The following RALYL variants were observed in gnomAD, a reference collection of about 807,000 sequenced individuals.
RALYL encodes the protein RNA-binding Raly-like protein.
A neutral mutation model predicts 35.1 loss-of-function variants in RALYL; 29 were observed. That is an observed-to-expected ratio of 0.83 (90% CI 0.61 to 1.13). The LOEUF is 1.13. RALYL is among the 50% of genes most tolerant of loss of function. The pLI, the probability that RALYL is intolerant of heterozygous loss-of-function variation, is 0.00. For synonymous variants in RALYL, 120 were observed against 127.6 expected, an observed-to-expected ratio of 0.94 and a Z score of 0.40; for missense variants, 359 against 360.4, an observed-to-expected ratio of 1.00 and a Z score of 0.03.
At chr8:84,882,151 G>A (rs1842266553) in intron 7 of RALYL, among the ~76,000 whole-genome samples, 1 of 151,890 alleles carries the variant, frequency 6.6e-6, no homozygotes, top group East Asian at 1.9e-4. Flanking sequence ...TCTTAGAGGT[G>A]TCTTTTTACA....
chr8:84,219,789 T>C (rs1019080543), intron 1 of RALYL, among the ~76,000 whole-genome samples: 3 of 151,904 alleles, frequency 2.0e-5, no homozygotes, highest in African/African-American at 7.3e-5. Context: ...ACCTATAAGG[T>C]AAGGAAATGA....
At chr8:84,463,696 T>C (rs2051104453) in intron 1 of RALYL, among the ~76,000 whole-genome samples, 1 of 152,106 alleles carries the variant, frequency 6.6e-6, no homozygotes, top group Non-Finnish European at 1.5e-5. Flanking sequence ...TTTTCTACTT[T>C]CTAATGTGTT....
At chr8:84,564,556 C>A (rs558359190) in intron 2 of RALYL, among the ~76,000 whole-genome samples, 1 of 151,618 alleles carries the variant, frequency 6.6e-6, no homozygotes, top group Admixed American at 6.6e-5. Context: ...TTGCTGTCTG[C>A]CACAATCCCT....
chr8:84,440,617 T>C (rs1234197592), intron 1 of RALYL, among the ~76,000 whole-genome samples: 2 of 152,082 alleles, frequency 1.3e-5, no homozygotes, highest in African/African-American at 4.8e-5. Flanking sequence ...CTCTCTTAAG[T>C]CTTGCTTCTT....
chr8:84,510,826 A>G (rs1477472756), intron 1 of RALYL, among the ~76,000 whole-genome samples: 1 of 152,026 alleles, frequency 6.6e-6, no homozygotes, highest in Admixed American at 6.6e-5. Flanking sequence ...AAAAACCATA[A>G]TTGTATAAAT....
chr8:84,257,165 A>AT (rs571991018), intron 1 of RALYL, among the ~76,000 whole-genome samples: 9 of 151,652 alleles, frequency 5.9e-5, no homozygotes, highest in Non-Finnish European at 1.2e-4. Context: ...AGAATTCGAG[A>AT]TTTTTTTTAA....
At chr8:84,432,781 A>T (rs896763045) in intron 1 of RALYL, among the ~76,000 whole-genome samples, 1 of 152,104 alleles carries the variant, frequency 6.6e-6, no homozygotes, top group African/African-American at 2.4e-5. Context: ...GTTGCAATCC[A>T]AGGAATAACA....
At chr8:84,242,239 A>G (rs1828089758) in intron 1 of RALYL, among the ~76,000 whole-genome samples, 1 of 152,146 alleles carries the variant, frequency 6.6e-6, no homozygotes, top group East Asian at 1.9e-4. Context: ...CATTTTCTTT[A>G]TCCAGTCTGT....
chr8:84,494,388 CT>C (rs1478395343), intron 1 of RALYL, among the ~76,000 whole-genome samples: 1 of 151,774 alleles, frequency 6.6e-6, no homozygotes, highest in Non-Finnish European at 1.5e-5. Flanking sequence ...GCTATGTGGG[CT>C]TTTTGGGTTC....
chr8:84,335,698 T>C (rs1243552469), intron 1 of RALYL, among the ~76,000 whole-genome samples: 4 of 142,792 alleles, frequency 2.8e-5, no homozygotes, highest in African/African-American at 5.4e-5. Context: ...CTAATATATG[T>C]GTTTTCTTAC....
At chr8:84,858,600 A>G (rs1181587064) in intron 5 of RALYL, among the ~76,000 whole-genome samples, 1 of 152,192 alleles carries the variant, frequency 6.6e-6, no homozygotes, top group Non-Finnish European at 1.5e-5. Context: ...TCAGTCTACA[A>G]TCTTAAATGA....
At chr8:84,770,407 CAT>C (rs971800326) in intron 2 of RALYL, among the ~76,000 whole-genome samples, 1 of 110,074 alleles carries the variant, frequency 9.1e-6, no homozygotes, top group Non-Finnish European at 2.1e-5. Flanking sequence ...AGTAGTCCAT[CAT>C]ATATATATAC....
In RALYL at chr8:84,523,961, T is replaced by A. The variant is rs1295388687; in HGVS notation, c.-23-5338T>A. Among the ~76,000 whole-genome samples, 12 of 152,246 alleles carry A rather than the reference T, an allele frequency of 7.9e-5. No homozygotes were observed. In the South Asian group the frequency reaches 1.0e-3, roughly 13 times the overall value. On this transcript the variant is annotated intron_variant, in intron 1 of 8. Transcript: ENST00000521268. ...TCTAAGTCTTTGCTATTGTGAATAA[T>A]GCTGCAATAAACATACATGTGCATG... is the stretch of plus-strand genomic sequence containing the variant.
At chr8:84,723,267 G>A (rs1430254463) in intron 2 of RALYL, among the ~76,000 whole-genome samples, 2 of 151,958 alleles carry the variant, frequency 1.3e-5, no homozygotes, top group Non-Finnish European at 2.9e-5. Context: ...AAAAGTTCCA[G>A]CTTTATCTAG....
chr8:84,844,982 G>A (rs553723151), intron 4 of RALYL, among the ~76,000 whole-genome samples: 2 of 151,964 alleles, frequency 1.3e-5, no homozygotes, highest in African/African-American at 2.4e-5. Context: ...GTGGGGGAAG[G>A]GGGGAGGGAT....
chr8:84,567,443 A>G (rs2061859396), intron 2 of RALYL, among the ~76,000 whole-genome samples: 1 of 151,738 alleles, frequency 6.6e-6, no homozygotes, highest in African/African-American at 2.4e-5. Flanking sequence ...GCTCCCATTT[A>G]TAAGTGAAAA....
intron 1 of RALYL, among the ~76,000 whole-genome samples, chr8:84,466,779 C>CT (rs200069507): frequency 2.0e-5 from 3 of 150,600 alleles, no homozygotes; most frequent in Non-Finnish European, 3.0e-5. Flanking sequence ...GTCCTGGACT[C>CT]TTTTGGTTGG....
chr8:84,775,402 T>A (rs186843625), intron 3 of RALYL, among the ~76,000 whole-genome samples: 2 of 152,364 alleles, frequency 1.3e-5, no homozygotes, highest in Non-Finnish European at 2.9e-5. Context: ...TAGTGATTTT[T>A]TCAAGGTCAC....
intron 4 of RALYL, among the ~76,000 whole-genome samples, chr8:84,808,534 T>C (rs1008304448): frequency 6.6e-6 from 1 of 152,212 alleles, no homozygotes; most frequent in African/African-American, 2.4e-5. Flanking sequence ...TTTCTAATTC[T>C]GTAAAGAATG....
Sources: gnomAD v4.1 joint callset for allele counts (sites outside exome capture counted in the v4.1 genomes callset) on GRCh38, gnomAD v4.1.1 for gene constraint, MANE v1.5 for transcripts, NCBI Gene and HGNC (gene_info 2026-07-23, HGNC 2026-07-21) for gene names.